The following PHF24 variants were observed in gnomAD, a reference collection of about 807,000 sequenced individuals.
The protein encoded by PHF24 is PHD finger protein 24.
Under a neutral mutation model 42.6 loss-of-function variants are expected in PHF24, and 25 were observed. That is an observed-to-expected ratio of 0.59 (90% CI 0.43 to 0.82). The LOEUF (loss-of-function observed/expected upper bound fraction) is 0.82, where lower values mean the gene tolerates loss of function less well. Ranked by LOEUF, PHF24 falls within the 40% of genes least tolerant of loss-of-function variation. PHF24 has a pLI of 0.00. For synonymous variants in PHF24, 185 were observed against 204.8 expected, an observed-to-expected ratio of 0.90 and a Z score of 0.83; for missense variants, 470 against 538.1, an observed-to-expected ratio of 0.87 and a Z score of 1.25.
At chr9:34,828,710 C>T in the PHF24 span, among the ~76,000 whole-genome samples, 1 of 152,146 alleles carries the variant, frequency 6.6e-6, no homozygotes, top group African/African-American at 2.4e-5. Context: ...ATCATTTTCT[C>T]TTTGAAATAC....
At chr9:34,849,617 G>A in the PHF24 span, among the ~76,000 whole-genome samples, 1 of 152,066 alleles carries the variant, frequency 6.6e-6, no homozygotes, top group Non-Finnish European at 1.5e-5. Context: ...AGTTAATATT[G>A]TTATGTGTGA....
At chr9:34,882,128 T>A in the PHF24 span, among the ~76,000 whole-genome samples, 1 of 152,158 alleles carries the variant, frequency 6.6e-6, no homozygotes, top group African/African-American at 2.4e-5. Flanking sequence ...ATTATCTCAA[T>A]AGATGCAGAA....
the PHF24 span, among the ~76,000 whole-genome samples, chr9:34,873,156 C>T: frequency 1.3e-5 from 2 of 151,082 alleles, no homozygotes; most frequent in Non-Finnish European, 3.0e-5. Context: ...CTGTAGGTTG[C>T]CTGTTCACTC....
the PHF24 span, among the ~76,000 whole-genome samples, chr9:34,928,152 G>A: frequency 1.4e-5 from 2 of 144,118 alleles, no homozygotes; most frequent in Non-Finnish European, 3.0e-5. Context: ...GGAGGTGAAG[G>A]TTGCAGTAAG....
the PHF24 span, among the ~76,000 whole-genome samples, chr9:34,863,180 C>T: frequency 1.5e-4 from 23 of 152,134 alleles, no homozygotes; most frequent in Admixed American, 1.5e-3. Context: ...TCTCTAGACT[C>T]ACTGGGGGCT....
At chr9:34,849,530 A>G in the PHF24 span, among the ~76,000 whole-genome samples, 1 of 152,032 alleles carries the variant, frequency 6.6e-6, no homozygotes, top group Non-Finnish European at 1.5e-5. Context: ...AATACAGCAC[A>G]CTGATGGGTC....
At chr9:34,851,681 C>G in the PHF24 span, among the ~76,000 whole-genome samples, 1 of 152,194 alleles carries the variant, frequency 6.6e-6, no homozygotes, top group Non-Finnish European at 1.5e-5. Flanking sequence ...CAGAAATCAC[C>G]TGTCTTCTGC....
chr9:34,810,587 A>G, the PHF24 span, among the ~76,000 whole-genome samples: 41 of 152,268 alleles, frequency 2.7e-4, 1 homozygote, highest in South Asian at 8.3e-3. Context: ...GGAGGACCTG[A>G]GACTGTGCCC....
the PHF24 span, among the ~76,000 whole-genome samples, chr9:34,771,264 A>T: frequency 1.3e-5 from 2 of 152,358 alleles, no homozygotes; most frequent in East Asian, 3.9e-4. Flanking sequence ...GGTATAGCCT[A>T]CTACATGCTG....
At chr9:34,709,487 T>G in the PHF24 span, 9 of 1,613,776 alleles carry the variant, frequency 5.6e-6, no homozygotes, top group Non-Finnish European at 7.6e-6. Flanking sequence ...CCCACATCCC[T>G]CAGATTCCTC....
At chr9:34,783,935 G>A in the PHF24 span, among the ~76,000 whole-genome samples, 2 of 152,124 alleles carry the variant, frequency 1.3e-5, no homozygotes, top group Non-Finnish European at 2.9e-5. Flanking sequence ...TCTTAGACCA[G>A]TAAAACTCTC....
the PHF24 span, among the ~76,000 whole-genome samples, chr9:34,798,489 A>G: frequency 3.9e-5 from 6 of 152,058 alleles, no homozygotes; most frequent in Non-Finnish European, 8.8e-5. Context: ...TTCTACATTA[A>G]TTTGCTTAGG....
At chr9:34,885,748 T>C in the PHF24 span, among the ~76,000 whole-genome samples, 2,822 of 152,222 alleles carry the variant, frequency 0.019, 103 homozygotes, top group African/African-American at 0.065. Flanking sequence ...TAGAGCTTTC[T>C]CTGTGATCTC....
At chr9:34,896,805 C>CTGAG in the PHF24 span, among the ~76,000 whole-genome samples, 10 of 152,088 alleles carry the variant, frequency 6.6e-5, no homozygotes, top group Admixed American at 5.9e-4. Flanking sequence ...CCTAGGATTT[C>CTGAG]TGAGTTTCCT....
chr9:34,704,574 C>G, the PHF24 span, among the ~76,000 whole-genome samples: 4 of 152,086 alleles, frequency 2.6e-5, no homozygotes, highest in African/African-American at 9.7e-5. Flanking sequence ...TGGCTCACAC[C>G]TGTAATCCCA....
chr9:34,949,666 G>A, the PHF24 span, among the ~76,000 whole-genome samples: 1,087 of 152,272 alleles, frequency 7.1e-3, 24 homozygotes, highest in African/African-American at 0.024. Flanking sequence ...ATACTATGAA[G>A]CCATAAAAAA....
At chr9:34,745,878 G>T in the PHF24 span, among the ~76,000 whole-genome samples, 2 of 152,092 alleles carry the variant, frequency 1.3e-5, no homozygotes, top group South Asian at 2.1e-4. Context: ...TTTAAATAAT[G>T]TTGAAAGGCA....
the PHF24 span, among the ~76,000 whole-genome samples, chr9:34,864,128 C>T: frequency 1.3e-5 from 2 of 152,040 alleles, no homozygotes; most frequent in Non-Finnish European, 1.5e-5. Flanking sequence ...GAATAAAAAG[C>T]AATAAAGCAC....
At chr9:34,746,029 G>A in the PHF24 span, among the ~76,000 whole-genome samples, 3 of 152,046 alleles carry the variant, frequency 2.0e-5, no homozygotes, top group Admixed American at 2.0e-4. Flanking sequence ...TGACATTTGG[G>A]GCTGTTCTTC....
Sources: allele counts gnomAD v4.1 joint callset (sites outside exome capture counted in the v4.1 genomes callset), GRCh38; gene constraint gnomAD v4.1.1; transcripts MANE v1.5; gene names NCBI Gene and HGNC (gene_info 2026-07-23, HGNC 2026-07-21).